NTRK2: variants seen among roughly 807,000 people sequenced by gnomAD.
The protein encoded by NTRK2 is BDNF/NT-3 growth factors receptor.
NTRK2 carries 13 observed loss-of-function variants against 94.5 expected under a neutral mutation model. The observed-to-expected ratio is 0.14, with a 90% CI of 0.09 to 0.22. The LOEUF (loss-of-function observed/expected upper bound fraction) is 0.22, where lower values mean the gene tolerates loss of function less well. Among genes scored for constraint, NTRK2 ranks in the 10% least tolerant of loss-of-function variants. The probability of loss-of-function intolerance (pLI) is 1.00; values close to 1 mark genes in which losing one functional copy is unlikely to be tolerated. For missense variants in NTRK2, 639 were observed against 1,071.2 expected, an observed-to-expected ratio of 0.60 and a Z score of 5.63; for synonymous variants, 372 against 407.4, an observed-to-expected ratio of 0.91 and a Z score of 1.05.
Position 84,697,916 on chromosome 9 carries a change from CTCTT to C in NTRK2, c.213-4236_213-4233del, listed in dbSNP as rs59776014. 2.1e-3 allele frequency among the ~76,000 whole-genome samples: 314 copies of C among 152,260 alleles called. 3 individuals carry two copies. Among genetic ancestry groups the C allele is most frequent in the African/African-American group, 7.3e-3 (304 of 41,560 alleles). On this transcript the variant is annotated intron_variant, in intron 2 of 18. Transcript: ENST00000277120. The stretch of plus-strand genomic sequence containing the variant: ...TGTATGGTTGTTGCAGTCTCTGTCT[CTCTT>C]TCTTTCCCTCTCTCCCTCCCACCCT...
intron 17 of NTRK2, among the ~76,000 whole-genome samples, chr9:85,003,309 T>C (rs1830527802): frequency 6.6e-6 from 1 of 152,176 alleles, no homozygotes; most frequent in Non-Finnish European, 1.5e-5. Context: ...TTCATCTATT[T>C]CAACAACTGT....
chr9:84,961,858 T>C (rs1824976380), intron 17 of NTRK2, among the ~76,000 whole-genome samples: 1 of 152,238 alleles, frequency 6.6e-6, no homozygotes, highest in Non-Finnish European at 1.5e-5. Flanking sequence ...TTTGAGCTGG[T>C]ATTTAAGATA....
chr9:84,993,256 C>T (rs183359264), intron 17 of NTRK2, among the ~76,000 whole-genome samples: 54 of 152,274 alleles, frequency 3.5e-4, no homozygotes, highest in Non-Finnish European at 1.9e-4. Context: ...GCAAAGATGA[C>T]TCACAAATGC....
chr9:84,795,587 T>G (rs188469044), intron 12 of NTRK2, among the ~76,000 whole-genome samples: 24 of 152,246 alleles, frequency 1.6e-4, no homozygotes, highest in Non-Finnish European at 2.6e-4. Flanking sequence ...GCCCCAGGTC[T>G]CTTCAACTCT....
chr9:84,812,955 T>C, intron 12 of NTRK2: 4 of 1,029,260 alleles, frequency 3.9e-6, no homozygotes, highest in Non-Finnish European at 4.7e-6. Flanking sequence ...TGTTCTTTTC[T>C]TTTTTTTAAT....
At chr9:84,848,712 C>G (rs2074598593) in intron 12 of NTRK2, among the ~76,000 whole-genome samples, 1 of 152,102 alleles carries the variant, frequency 6.6e-6, no homozygotes. Context: ...CTCATGTATT[C>G]CAACATACCC....
chr9:84,778,959 A>G (rs1588537949), intron 12 of NTRK2, among the ~76,000 whole-genome samples: 1 of 152,292 alleles, frequency 6.6e-6, no homozygotes, highest in South Asian at 2.1e-4. Flanking sequence ...TGCCCTTTTC[A>G]TAGCCTTAAC....
intron 11 of NTRK2, among the ~76,000 whole-genome samples, chr9:84,746,869 G>A (rs2064127094): frequency 6.6e-6 from 1 of 152,116 alleles, no homozygotes; most frequent in African/African-American, 2.4e-5. Flanking sequence ...CCATTTATTT[G>A]TTTGTTTAAT....
chr9:84,812,564 GC>G, intron 12 of NTRK2: 2 of 1,046,060 alleles, frequency 1.9e-6, no homozygotes, highest in Non-Finnish European at 2.3e-6. Flanking sequence ...AAAGAGGCCA[GC>G]TAATAGCAGA....
intron 13 of NTRK2, among the ~76,000 whole-genome samples, chr9:84,863,415 C>T (rs893223521): frequency 3.7e-4 from 57 of 152,266 alleles, no homozygotes; most frequent in African/African-American, 1.3e-3. Context: ...GCACCTACCT[C>T]GCCATTTAAA....
intron 9 of NTRK2, among the ~76,000 whole-genome samples, chr9:84,739,956 G>T (rs1316741525): frequency 6.6e-6 from 1 of 152,222 alleles, no homozygotes; most frequent in East Asian, 1.9e-4. Context: ...CCACCTTCCT[G>T]CAAGACAAAT....
intron 12 of NTRK2, among the ~76,000 whole-genome samples, chr9:84,757,263 G>C (rs896449824): frequency 3.3e-5 from 5 of 152,220 alleles, no homozygotes; most frequent in Non-Finnish European, 7.4e-5. Context: ...ACATAAAAAT[G>C]GATGTTCCCA....
At chr9:84,908,011 T>C (rs1458980028) in intron 14 of NTRK2, among the ~76,000 whole-genome samples, 1 of 152,216 alleles carries the variant, frequency 6.6e-6, no homozygotes, top group East Asian at 1.9e-4. Context: ...GTGTTTATCA[T>C]TGACCAAGGA....
intron 12 of NTRK2, among the ~76,000 whole-genome samples, chr9:84,853,804 G>A (rs1007694819): frequency 6.6e-6 from 1 of 152,180 alleles, no homozygotes; most frequent in African/African-American, 2.4e-5. Context: ...TCTCTGGTCT[G>A]GGGGTGGTGG....
chr9:84,882,188 T>C (rs967120183), intron 14 of NTRK2, among the ~76,000 whole-genome samples: 5 of 145,052 alleles, frequency 3.4e-5, no homozygotes, highest in Non-Finnish European at 1.5e-5. Context: ...TCTTTCATGC[T>C]CCCACCAACA....
intron 17 of NTRK2, among the ~76,000 whole-genome samples, chr9:84,958,476 G>T (rs894708218): frequency 2.0e-5 from 3 of 152,174 alleles, no homozygotes; most frequent in South Asian, 2.1e-4. Flanking sequence ...GAAGAATAAC[G>T]ATTCCCAGTT....
chr9:84,944,959 G>C (rs1249092486), intron 15 of NTRK2, among the ~76,000 whole-genome samples: 1 of 152,188 alleles, frequency 6.6e-6, no homozygotes, highest in African/African-American at 2.4e-5. Context: ...AAGAAAACCA[G>C]GGTCAGAGAG....
intron 2 of NTRK2, among the ~76,000 whole-genome samples, chr9:84,700,674 T>A (rs1237293346): frequency 6.6e-6 from 1 of 152,224 alleles, no homozygotes; most frequent in Admixed American, 6.5e-5. Flanking sequence ...TTGTCATCAT[T>A]TTCTTTCACA....
chr9:84,859,993 G>A (rs2075255709), intron 12 of NTRK2, among the ~76,000 whole-genome samples: 1 of 152,216 alleles, frequency 6.6e-6, no homozygotes, highest in African/African-American at 2.4e-5. Context: ...GGATACGAGG[G>A]AGGGAAAGCC....
Sources: gnomAD v4.1 joint callset for allele counts (sites outside exome capture counted in the v4.1 genomes callset) on GRCh38, gnomAD v4.1.1 for gene constraint, MANE v1.5 for transcripts, NCBI Gene and HGNC (gene_info 2026-07-23, HGNC 2026-07-21) for gene names.